P4HA1: variants seen among roughly 807,000 people sequenced by gnomAD.
P4HA1 encodes the protein prolyl 4-hydroxylase subunit alpha-1.
In P4HA1, 24 loss-of-function variants were observed where a neutral mutation model predicts 72.8. That is an observed-to-expected ratio of 0.33 (90% CI 0.24 to 0.46). The LOEUF (loss-of-function observed/expected upper bound fraction) is 0.46, where lower values mean the gene tolerates loss of function less well. Ranked by LOEUF, P4HA1 falls within the 20% of genes least tolerant of loss-of-function variation. The pLI is 1.00. For missense variants in P4HA1, 446 were observed against 640.6 expected, an observed-to-expected ratio of 0.70 and a Z score of 3.28; for synonymous variants, 201 against 218.8, an observed-to-expected ratio of 0.92 and a Z score of 0.72.
At chr10:73,036,395 G>C (rs1334435896) in intron 9 of P4HA1, among the ~76,000 whole-genome samples, 1 of 151,714 alleles carries the variant, frequency 6.6e-6, no homozygotes, top group East Asian at 1.9e-4. Flanking sequence ...CCAAAATATA[G>C]TAACACTCCC....
Position 73,089,500 on chromosome 10 carries a change from T to C in P4HA1, c.-33+7266A>G, listed in dbSNP as rs562916323. Among the ~76,000 whole-genome samples the C allele has an allele frequency of 1.2e-4, 18 of 152,228 alleles. No individual in the cohort carries two copies. In the South Asian group the frequency reaches 3.5e-3, roughly 30 times the overall value. ...TAAGAGAAAAGAAAGCATATCTCTC[T>C]CCAACAACTTGTACATGAATGCTCA... On this transcript the variant is annotated intron_variant, in intron 1 of 14. Coordinates refer to ENST00000394890, the MANE Select transcript of P4HA1 (RefSeq NM_001017962.3).
chr10:73,039,944 C>G (rs1277304835), intron 9 of P4HA1, among the ~76,000 whole-genome samples: 9 of 143,120 alleles, frequency 6.3e-5, no homozygotes, highest in African/African-American at 2.1e-4. Context: ...TCACTGCAAT[C>G]TCTGCTTCCC....
chr10:73,050,526 C>G (rs1270513434), intron 7 of P4HA1, among the ~76,000 whole-genome samples: 2 of 151,658 alleles, frequency 1.3e-5, no homozygotes, highest in Non-Finnish European at 2.9e-5. Flanking sequence ...ATGGTGAAAC[C>G]CCATCTCTAC....
chr10:73,017,093 G>A (rs1840021340), intron 10 of P4HA1, among the ~76,000 whole-genome samples, 194 bp from the exon 11 acceptor site: 1 of 151,328 alleles, frequency 6.6e-6, no homozygotes, highest in Admixed American at 6.6e-5. Flanking sequence ...ATATATCTAT[G>A]TACAGATCTA....
At chr10:73,052,190 GA>G (rs771970988) in intron 6 of P4HA1, among the ~76,000 whole-genome samples, 100 of 127,658 alleles carry the variant, frequency 7.8e-4, no homozygotes, top group East Asian at 2.4e-3. Context: ...CATCTGAGAG[GA>G]AAAAAAAAAA....
intron 10 of P4HA1, among the ~76,000 whole-genome samples, chr10:73,028,283 T>G (rs1431545127): frequency 1.4e-5 from 2 of 147,204 alleles, no homozygotes; most frequent in Non-Finnish European, 3.0e-5. Context: ...CGGAGTAGGA[T>G]GGCATCAAAC....
In P4HA1 at chr10:73,053,434, A is replaced by G; in HGVS notation, c.620T>C (p.Val207Ala). The change falls in exon 6 of 15, where the codon GTT (valine) becomes GCT (alanine). Residue 207 changes from valine to alanine, a missense_variant. Physicochemically the swap from Val to Ala is moderately conservative, Grantham distance 64. Transcript: ENST00000394890. ...GEISTIDKVS[V>A]LDYLSYAVYQ... Reference sequence around the variant, plus strand: ...TACCGCATAGCTCAAATAATCTAGAACAGAGACTTTATCTATGGTAGAAAT... The same window carrying G: ...TACCGCATAGCTCAAATAATCTAGAGCAGAGACTTTATCTATGGTAGAAAT... 3.1e-6 allele frequency: 5 copies of G among 1,614,096 alleles called. No individual in the cohort carries two copies. Among genetic ancestry groups the G allele is most frequent in the Non-Finnish European group, 4.2e-6 (5 of 1,179,934 alleles).
intron 12 of P4HA1, among the ~76,000 whole-genome samples, chr10:73,012,828 C>T (rs947284981): frequency 6.6e-6 from 1 of 152,132 alleles, no homozygotes; most frequent in African/African-American, 2.4e-5. Flanking sequence ...GAGCCACGCT[C>T]CGTTATCCAG....
chr10:73,053,128 T>C (rs905300232), intron 6 of P4HA1, among the ~76,000 whole-genome samples: 4 of 152,128 alleles, frequency 2.6e-5, no homozygotes, highest in African/African-American at 7.2e-5. Context: ...CTGGAGAATA[T>C]AGAGCAAAGA....
intron 9 of P4HA1, among the ~76,000 whole-genome samples, chr10:73,040,503 ATCTC>A (rs1251576733): frequency 2.2e-5 from 3 of 135,738 alleles, no homozygotes; most frequent in East Asian, 4.5e-4. Context: ...TTTGAGATGG[ATCTC>A]TCTCTGTCGC....
intron 12 of P4HA1, 40 bp downstream of exon 12, chr10:73,014,184 C>G (rs200433388): frequency 4.0e-5 from 53 of 1,316,480 alleles, no homozygotes; most frequent in Admixed American, 6.8e-5. Flanking sequence ...ATCTTGTCAT[C>G]AAATCCCAAC....
At position 73,047,065 on chromosome 10, in the gene P4HA1, G is replaced by A. The variant is rs144541240; in HGVS notation, c.937C>T (p.His313Tyr). ...AATTTAGGATTACGGTTTCCATCATGGTAGCGGCAAAAGAGTTTTTTCTGT... is the reference window on the plus strand; with the variant it reads ...AATTTAGGATTACGGTTTCCATCATAGTAGCGGCAAAAGAGTTTTTTCTGT... ...RRQKKLFCRY[H>Y]DGNRNPKFIL... The change falls in exon 8 of 15, where the codon CAT becomes TAT. Residue 313 changes from histidine (H) to tyrosine (Y), a missense_variant. Coordinates refer to ENST00000394890, the MANE Select transcript of P4HA1 (RefSeq NM_001017962.3). 1,033 of 1,613,678 alleles carry A rather than the reference G, an allele frequency of 6.4e-4. 6 individuals are homozygous for A. In the African/African-American group the frequency reaches 0.012, roughly 19 times the overall value.
intron 12 of P4HA1, 37 bp from the exon 13 acceptor site, chr10:73,011,074 T>C (rs1270444546): frequency 8.7e-6 from 13 of 1,486,714 alleles, no homozygotes; most frequent in Non-Finnish European, 1.2e-5. Flanking sequence ...AAAGTGCTGG[T>C]AGAATAAAGT....
In P4HA1 at chr10:73,084,937, C is replaced by T. The variant is rs138866091; in HGVS notation, c.-32-10022G>A. Among the ~76,000 whole-genome samples the T allele has an allele frequency of 3.6e-4, 54 of 152,106 alleles. 1 individual carries two copies. Among genetic ancestry groups the T allele is most frequent in the East Asian group, 2.3e-3 (12 of 5,172 alleles). ...GAAGGATCACTTGAGCTCAAGAGTT[C>T]GAGACCAGCCTTGGCAACATGGTGA... On this transcript the variant is annotated intron_variant, in intron 1 of 14. Transcript: ENST00000394890.
chr10:73,064,983 T>A (rs1043122203), intron 5 of P4HA1: 4 of 152,218 alleles, frequency 2.6e-5, no homozygotes, highest in Admixed American at 6.5e-5. Context: ...TTGTAAGGGA[T>A]AATTATGTTT....
chr10:73,078,698 G>A (rs766561144), intron 1 of P4HA1, among the ~76,000 whole-genome samples: 12 of 130,714 alleles, frequency 9.2e-5, no homozygotes, highest in African/African-American at 2.4e-4. Context: ...TGCAACCTCC[G>A]CCTCCCGGGT....
At chr10:73,037,001 A>C (rs943073782) in intron 9 of P4HA1, among the ~76,000 whole-genome samples, 2 of 150,988 alleles carry the variant, frequency 1.3e-5, no homozygotes, top group African/African-American at 4.9e-5. Context: ...CTGAGTTGGG[A>C]TTTTTTTTTA....
chr10:73,031,689 TTGAG>T (rs1840437080), intron 9 of P4HA1, among the ~76,000 whole-genome samples: 1 of 152,162 alleles, frequency 6.6e-6, no homozygotes, highest in East Asian at 1.9e-4. Flanking sequence ...AGGATTTTTT[TTGAG>T]TGACAAAAAT....
At chr10:73,078,455 T>G (rs1157640788) in intron 1 of P4HA1, among the ~76,000 whole-genome samples, 3 of 152,066 alleles carry the variant, frequency 2.0e-5, no homozygotes, top group African/African-American at 7.2e-5. Context: ...TATGTTTTCA[T>G]TACCCCAACA....
Sources: gnomAD v4.1 joint callset for allele counts (sites outside exome capture counted in the v4.1 genomes callset) on GRCh38, gnomAD v4.1.1 for gene constraint, MANE v1.5 for transcripts, NCBI Gene and HGNC (gene_info 2026-07-23, HGNC 2026-07-21) for gene names.